KCNQ3: variants seen among roughly 807,000 people sequenced by gnomAD.
The protein encoded by KCNQ3 is potassium voltage-gated channel subfamily Q member 3.
KCNQ3 carries 30 observed loss-of-function variants against 92.5 expected under a neutral mutation model. The observed-to-expected ratio is 0.32, with a 90% CI of 0.24 to 0.44. The LOEUF is 0.44. Ranked by LOEUF, KCNQ3 falls within the 20% of genes least tolerant of loss-of-function variation. The pLI, the probability that KCNQ3 is intolerant of heterozygous loss-of-function variation, is 1.00. For synonymous variants in KCNQ3, 450 were observed against 468.8 expected, an observed-to-expected ratio of 0.96 and a Z score of 0.52; for missense variants, 913 against 1,140.3, an observed-to-expected ratio of 0.80 and a Z score of 2.87.
intron 1 of KCNQ3, among the ~76,000 whole-genome samples, chr8:132,305,119 T>C (rs932987252): frequency 1.3e-5 from 2 of 152,200 alleles, no homozygotes; most frequent in African/African-American, 2.4e-5. Flanking sequence ...CTGATAGAGT[T>C]TGGTTAATGG....
chr8:132,122,262 G>A lies in KCNQ3; in HGVS notation c.*7000C>T, dbSNP rs1256175582. ...CATGGGGTTGCGATGAGGATTGCAT[G>A]AACTTTAGAGAGAGCTATCATGTCA... On this transcript the variant is annotated 3_prime_UTR_variant, in exon 15 of 15. Transcript: ENST00000388996. 1 of 152,212 alleles carries A rather than the reference G, an allele frequency of 6.6e-6. No homozygotes were observed. The highest frequency in any genetic ancestry group is 2.4e-5 in the African/African-American group (1 of 41,462). 9.4% of individuals were successfully genotyped at this position (152,212 alleles called of 1,614,324 possible).
chr8:132,138,156 T>C, intron 11 of KCNQ3, 140 bp from the exon 12 acceptor site: 1 of 931,884 alleles, frequency 1.1e-6, no homozygotes, highest in Non-Finnish European at 1.7e-6. Context: ...CAACGTTTGG[T>C]TCTGGTTCTA....
intron 9 of KCNQ3, among the ~76,000 whole-genome samples, chr8:132,154,208 T>TGTTTTTTTTG (rs1554624533): frequency 1.6e-4 from 23 of 142,242 alleles, no homozygotes; most frequent in African/African-American, 6.2e-4. Flanking sequence ...TTTTTTTTTT[T>TGTTTTTTTTG]TTTTTTTTTT....
chr8:132,305,889 G>GTTTGT (rs60363191), intron 1 of KCNQ3, among the ~76,000 whole-genome samples: 116,290 of 150,264 alleles, frequency 0.77, 45,433 homozygotes, highest in East Asian at 0.92. Flanking sequence ...GTTTGTTTTT[G>GTTTGT]TTTGTTTTGT....
In KCNQ3 at chr8:132,337,077, T is replaced by A. The variant is rs147536185; in HGVS notation, c.386+143070A>T. On this transcript the variant is annotated intron_variant, in intron 1 of 14. Coordinates refer to ENST00000388996, the MANE Select transcript of KCNQ3 (RefSeq NM_004519.4). ...GGGTGCCACCTTTGTCTAATTTGTATAAAGGTCCCTTATTGCCTAAAGTTG... is the reference window on the plus strand; with the variant it reads ...GGGTGCCACCTTTGTCTAATTTGTAAAAAGGTCCCTTATTGCCTAAAGTTG... Among the ~76,000 whole-genome samples the A allele has an allele frequency of 3.3e-4, 51 of 152,312 alleles. 1 individual carries two copies. Among genetic ancestry groups the A allele is most frequent in the African/African-American group, 1.2e-3 (51 of 41,568 alleles).
chr8:132,303,719 C>A, intron 1 of KCNQ3, among the ~76,000 whole-genome samples: 2 of 133,510 alleles, frequency 1.5e-5, no homozygotes, highest in Non-Finnish European at 3.2e-5. Flanking sequence ...ATATATACAC[C>A]ACATATATGT....
chr8:132,165,266 C>T (rs1826110863), intron 8 of KCNQ3, among the ~76,000 whole-genome samples: 1 of 152,338 alleles, frequency 6.6e-6, no homozygotes, highest in Non-Finnish European at 1.5e-5. Context: ...GAGCACATCC[C>T]TATCTTATCT....
chr8:132,354,776 A>G (rs1458700835), intron 1 of KCNQ3, among the ~76,000 whole-genome samples: 5 of 152,310 alleles, frequency 3.3e-5, no homozygotes, highest in Middle Eastern at 3.4e-3. Flanking sequence ...CCTCCTCTGG[A>G]GGCTGAATTC....
In KCNQ3 at chr8:132,127,174, G is replaced by A. The variant is rs1291797651; in HGVS notation, c.*2088C>T. 1 of 152,194 alleles carries A rather than the reference G, an allele frequency of 6.6e-6. No individual in the cohort carries two copies. The highest frequency in any genetic ancestry group is 6.5e-5 in the Admixed American group (1 of 15,292). 9.4% of individuals were successfully genotyped at this position (152,194 alleles called of 1,614,324 possible). ...TGGGGAAAAGGCCCAAATAACCCAT[G>A]CCCTTTGTCCTTCAGATTGCCAGCA... On this transcript the variant is annotated 3_prime_UTR_variant, in exon 15 of 15. Transcript: ENST00000388996.
At chr8:132,189,888 C>CAAAAA (rs776683880) in intron 1 of KCNQ3, among the ~76,000 whole-genome samples, 983 of 63,744 alleles carry the variant, frequency 0.015, 39 homozygotes, top group East Asian at 0.033. Flanking sequence ...TAAAAATGAC[C>CAAAAA]AAAAAAAAAA....
At chr8:132,144,060 G>A (rs1586766815) in intron 9 of KCNQ3, among the ~76,000 whole-genome samples, 1 of 152,178 alleles carries the variant, frequency 6.6e-6, no homozygotes, top group East Asian at 1.9e-4. Context: ...ATAATGAGAG[G>A]ACTCTCTTGG....
chr8:132,478,321 G>C (rs72723133), intron 1 of KCNQ3, among the ~76,000 whole-genome samples: 10,788 of 152,288 alleles, frequency 0.071, 398 homozygotes, highest in Middle Eastern at 0.092. Context: ...GGTGGGAAGA[G>C]AAGAAAGAGG....
At chr8:132,352,108 C>T (rs551388870) in intron 1 of KCNQ3, among the ~76,000 whole-genome samples, 1 of 152,290 alleles carries the variant, frequency 6.6e-6, no homozygotes, top group African/African-American at 2.4e-5. Flanking sequence ...GAGGGTGGCA[C>T]TGTTTTCAAC....
chr8:132,194,015 C>T (rs1258080584), intron 1 of KCNQ3, among the ~76,000 whole-genome samples: 2 of 152,182 alleles, frequency 1.3e-5, no homozygotes, highest in African/African-American at 4.8e-5. Flanking sequence ...TTCCAGATAG[C>T]TCCCAGATAC....
chr8:132,186,966 G>C lies in KCNQ3; in HGVS notation c.387-785C>G, dbSNP rs1020872317. 1.4e-3 allele frequency among the ~76,000 whole-genome samples: 193 copies of C among 137,660 alleles called. 2 individuals carry two copies. The highest frequency in any genetic ancestry group is 5.0e-3 in the African/African-American group (176 of 35,008). The allele number at this position is 137,660 out of a possible 152,430, so 90.3% of individuals were successfully genotyped here. A position where few individuals can be genotyped will look rare whatever the true frequency, so the allele number is the denominator to read the frequency against. On this transcript the variant is annotated intron_variant, in intron 1 of 14. Coordinates refer to ENST00000388996, the MANE Select transcript of KCNQ3 (RefSeq NM_004519.4). ...AGAGAGAGAGAGAGACAGAGAGAGA[G>C]AGAGAGAGAGAGAGAGAGAGAGAGT...
intron 1 of KCNQ3, among the ~76,000 whole-genome samples, chr8:132,471,364 A>G (rs1265823278): frequency 6.6e-6 from 1 of 152,088 alleles, no homozygotes; most frequent in Non-Finnish European, 1.5e-5. Context: ...TCATTTGTAA[A>G]CGCGAGCCAC....
intron 1 of KCNQ3, among the ~76,000 whole-genome samples, chr8:132,475,566 T>G (rs1822391288): frequency 6.6e-6 from 1 of 152,178 alleles, no homozygotes; most frequent in African/African-American, 2.4e-5. Context: ...ACTTTGAACT[T>G]CAGAGGATGA....
intron 1 of KCNQ3, among the ~76,000 whole-genome samples, chr8:132,436,974 GCTTCT>G (rs1320999821): frequency 6.6e-6 from 1 of 152,170 alleles, no homozygotes; most frequent in Non-Finnish European, 1.5e-5. Context: ...GTGCCAGTTT[GCTTCT>G]CTTAAGAGTG....
At chr8:132,149,219 C>CT (rs1825557038) in intron 9 of KCNQ3, among the ~76,000 whole-genome samples, 1 of 152,242 alleles carries the variant, frequency 6.6e-6, no homozygotes, top group Admixed American at 6.5e-5. Flanking sequence ...CAGGGAATCT[C>CT]TAACAGGCCT....
Sources: allele counts gnomAD v4.1 joint callset (sites outside exome capture counted in the v4.1 genomes callset), GRCh38; gene constraint gnomAD v4.1.1; transcripts MANE v1.5; gene names NCBI Gene and HGNC (gene_info 2026-07-23, HGNC 2026-07-21).